Variants in MYO10 observed in about 807,000 individuals in gnomAD.
MYO10 encodes unconventional myosin-X.
Under a neutral mutation model 257.3 loss-of-function variants are expected in MYO10, and 133 were observed. The observed-to-expected ratio is 0.52, with a 90% CI of 0.45 to 0.60. The LOEUF is 0.60. Ranked by LOEUF, MYO10 falls within the 20% of genes least tolerant of loss-of-function variation. MYO10 has a pLI of 0.00. For synonymous variants in MYO10, 1,104 were observed against 1,028.6 expected (o/e 1.07, Z -1.40); for missense variants, 2,399 against 2,635.7 (o/e 0.91, Z 1.97).
At chr5:16,788,322 T>C (rs1035681862) in intron 4 of MYO10, among the ~76,000 whole-genome samples, 1 of 152,130 alleles carries the variant, frequency 6.6e-6, no homozygotes, top group Non-Finnish European at 1.5e-5. Context: ...GAGTGTTTGC[T>C]GGCGTGATGA....
intron 9 of MYO10, among the ~76,000 whole-genome samples, chr5:16,774,468 C>A (rs1191813733): frequency 1.3e-5 from 2 of 152,082 alleles, no homozygotes; most frequent in Non-Finnish European, 2.9e-5. Flanking sequence ...GTTGCCCAGG[C>A]TGGAGTGCAA....
At chr5:16,817,180 A>G (rs1742649837) in intron 3 of MYO10, among the ~76,000 whole-genome samples, 2 of 152,234 alleles carry the variant, frequency 1.3e-5, no homozygotes, top group African/African-American at 4.8e-5. Flanking sequence ...ACTCCTAAAG[A>G]ATAAAAATGA....
intron 3 of MYO10, among the ~76,000 whole-genome samples, chr5:16,800,453 G>A (rs76656515): frequency 6.6e-6 from 1 of 152,214 alleles, no homozygotes; most frequent in East Asian, 1.9e-4. Flanking sequence ...TGCTGCTTTA[G>A]GCAAGAAAGC....
In MYO10 at chr5:16,673,867, T is replaced by A. The variant is rs1419640828; in HGVS notation, c.4987A>T (p.Ser1663Cys). 3 of 1,613,866 alleles carry A rather than the reference T, an allele frequency of 1.9e-6. No individual in the cohort carries two copies. The highest frequency in any genetic ancestry group is 2.5e-6 in the Non-Finnish European group (3 of 1,179,874). The change falls in exon 36 of 41, where the codon AGC (serine) becomes TGC (cysteine). Residue 1663 changes from serine to cysteine, a missense_variant. Physicochemically the swap from Ser to Cys is moderately radical, Grantham distance 112 (BLOSUM62 -1). Around this residue, in one of 3 missense-constraint regions of MYO10, gnomAD observed 1,820 missense variants for 1,939.4 expected, o/e 0.94. Transcript: ENST00000513610. ...LKRIREQFPG[S>C]EMEKYALFTY... The stretch of plus-strand genomic sequence containing the variant: ...AAGAGAGCGTATTTTTCCATCTCGC[T>A]TCCTGGAAACTGTTCCCGTATCCTA...
chr5:16,697,088 C>T (rs571407265), intron 26 of MYO10, among the ~76,000 whole-genome samples: 6 of 152,128 alleles, frequency 3.9e-5, no homozygotes, highest in African/African-American at 1.4e-4. Context: ...GTGCTGGCTA[C>T]CTCACCCTTG....
At chr5:16,867,840 T>C (rs764035404) in intron 2 of MYO10, among the ~76,000 whole-genome samples, 43 of 152,194 alleles carry the variant, frequency 2.8e-4, no homozygotes, top group Non-Finnish European at 5.0e-4. Context: ...TCAACCAAGC[T>C]TAGTTATCCT....
chr5:16,792,130 CACAGAGAGAGAGAG>C (rs1560986958), intron 4 of MYO10, among the ~76,000 whole-genome samples: 4 of 80,606 alleles, frequency 5.0e-5, no homozygotes, highest in Admixed American at 3.8e-4. Context: ...CACACACACA[CACAGAGAGAGAGAG>C]AGAGAGAGAG....
In MYO10 at chr5:16,666,648, G is replaced by A. The variant is rs1051473099; in HGVS notation, c.*44C>T. ...CACTGGAGCCAGCCTAGGCCAGAGG[G>A]TGGTGCGTTCAGGTAGCAAAGACAG... On this transcript the variant is annotated 3_prime_UTR_variant, in exon 41 of 41. Transcript: ENST00000513610. The A allele has an allele frequency of 6.7e-7, 1 of 1,499,222 alleles. No homozygotes were observed. The highest frequency in any genetic ancestry group is 2.4e-5 in the East Asian group (1 of 41,704). The allele number at this position is 1,499,222 out of a possible 1,614,324, so 92.9% of individuals were successfully genotyped here.
intron 26 of MYO10, 144 bp downstream of exon 26, chr5:16,699,306 G>A (rs1737913202): frequency 7.4e-6 from 8 of 1,079,326 alleles, no homozygotes; most frequent in Non-Finnish European, 9.1e-6. Context: ...TGAGGTAAGG[G>A]TAGGTAGAAC....
chr5:16,711,320 A>T, intron 19 of MYO10, 75 bp from the exon 20 acceptor site: 1 of 1,460,418 alleles, frequency 6.8e-7, no homozygotes, highest in Non-Finnish European at 9.4e-7. Context: ...TAATAAAGCC[A>T]CCTCCATCAT....
intron 3 of MYO10, among the ~76,000 whole-genome samples, chr5:16,811,944 T>C (rs1156568132): frequency 6.6e-6 from 1 of 152,206 alleles, no homozygotes; most frequent in African/African-American, 2.4e-5. Context: ...GTTATGTCTC[T>C]GTACCACAAA....
chr5:16,742,183 T>C (rs1276788092), intron 19 of MYO10: 2 of 985,318 alleles, frequency 2.0e-6, no homozygotes, highest in African/African-American at 3.5e-5. Context: ...AGTTTAGTTG[T>C]GATCTTGGAA....
At chr5:16,672,998 T>C (rs1371555099) in intron 36 of MYO10, among the ~76,000 whole-genome samples, 173 bp from the exon 37 acceptor site, 8 of 152,204 alleles carry the variant, frequency 5.3e-5, no homozygotes, top group Admixed American at 4.6e-4. Context: ...TATTTTCCCT[T>C]TGTTCTCTTG....
At chr5:16,788,049 C>T (rs1166100981) in intron 4 of MYO10, among the ~76,000 whole-genome samples, 2 of 152,178 alleles carry the variant, frequency 1.3e-5, no homozygotes, top group East Asian at 3.9e-4. Flanking sequence ...CCGCCTCGGC[C>T]TCCCAAAGTG....
intron 3 of MYO10, among the ~76,000 whole-genome samples, chr5:16,800,151 A>G (rs932858534): frequency 2.6e-5 from 4 of 152,132 alleles, no homozygotes; most frequent in Non-Finnish European, 5.9e-5. Flanking sequence ...TCCTACAATA[A>G]TATTGATCTT....
intron 1 of MYO10, among the ~76,000 whole-genome samples, chr5:16,925,858 C>G (rs990819629): frequency 6.6e-6 from 1 of 152,244 alleles, no homozygotes; most frequent in South Asian, 2.1e-4. Context: ...GTCTTGCTGC[C>G]AAAAGTGTTT....
At chr5:16,860,852 G>A (rs1216650558) in intron 2 of MYO10, among the ~76,000 whole-genome samples, 4 of 151,956 alleles carry the variant, frequency 2.6e-5, no homozygotes, top group Non-Finnish European at 1.5e-5. Context: ...AGAAAGGATG[G>A]CCAAAAAGGA....
intron 2 of MYO10, among the ~76,000 whole-genome samples, chr5:16,853,333 C>T (rs906171614): frequency 1.5e-4 from 23 of 150,146 alleles, no homozygotes; most frequent in Non-Finnish European, 7.4e-5. Context: ...GAGATCGCGC[C>T]ACTGCACTCC....
chr5:16,678,114 A>C (rs1482801403), intron 33 of MYO10, among the ~76,000 whole-genome samples: 1 of 152,224 alleles, frequency 6.6e-6, no homozygotes, highest in Non-Finnish European at 1.5e-5. Context: ...GAATACAAAA[A>C]CAGGTAAGTT....
Sources: gnomAD v4.1 joint callset for allele counts (sites outside exome capture counted in the v4.1 genomes callset) on GRCh38, gnomAD v4.1.1 for gene constraint, gnomAD v4.1.1 regional missense constraint, MANE v1.5 for transcripts, NCBI Gene and HGNC (gene_info 2026-07-23, HGNC 2026-07-21) for gene names.